The following ESYT2 variants were observed in gnomAD, a reference collection of about 807,000 sequenced individuals.
ESYT2 encodes extended synaptotagmin-2.
In ESYT2, 54 loss-of-function variants were observed where a neutral mutation model predicts 107.2. The ratio of observed to expected loss-of-function variants is 0.50; its 90% confidence interval spans 0.40 to 0.63. The LOEUF (loss-of-function observed/expected upper bound fraction) is 0.63. Among genes scored for constraint, ESYT2 ranks in the 30% least tolerant of loss-of-function variants. The probability of loss-of-function intolerance (pLI) is 0.00; values close to 1 mark genes in which losing one functional copy is unlikely to be tolerated. For missense variants in ESYT2, 1,020 were observed against 1,094.5 expected, an observed-to-expected ratio of 0.93 and a Z score of 0.96; for synonymous variants, 491 against 434.1, an observed-to-expected ratio of 1.13 and a Z score of -1.63.
At chr7:158,766,986 C>G (rs779969668) in intron 8 of ESYT2, among the ~76,000 whole-genome samples, 1 of 152,196 alleles carries the variant, frequency 6.6e-6, no homozygotes, top group Non-Finnish European at 1.5e-5. Context: ...TTAGTTTGCT[C>G]AAATGAAGGT....
At chr7:158,817,236 C>T (rs918004106) in intron 1 of ESYT2, among the ~76,000 whole-genome samples, 40 of 152,210 alleles carry the variant, frequency 2.6e-4, no homozygotes, top group African/African-American at 7.7e-4. Flanking sequence ...ACTGACAGAA[C>T]TGACAGAAGA....
At chr7:158,740,080 T>C (rs1837138022) in intron 18 of ESYT2, among the ~76,000 whole-genome samples, 1 of 152,248 alleles carries the variant, frequency 6.6e-6, no homozygotes, top group Non-Finnish European at 1.5e-5. Flanking sequence ...GCTGACTCAG[T>C]GACCCCTGCT....
At chr7:158,818,327 T>C (rs1432784754) in intron 1 of ESYT2, among the ~76,000 whole-genome samples, 2 of 152,170 alleles carry the variant, frequency 1.3e-5, no homozygotes, top group East Asian at 3.9e-4. Context: ...GGAAGAGGAG[T>C]GCCACTGTAG....
At chr7:158,757,754 G>GTTTTTTTTTTT (rs67853250) in intron 13 of ESYT2, among the ~76,000 whole-genome samples, 1 of 76,420 alleles carries the variant, frequency 1.3e-5, no homozygotes, top group African/African-American at 3.3e-5. Context: ...GTCTCTCTGG[G>GTTTTTTTTTTT]TTTTTTTTTT....
At chr7:158,801,543 TCA>T (rs1468860133) in intron 1 of ESYT2, among the ~76,000 whole-genome samples, 1 of 152,054 alleles carries the variant, frequency 6.6e-6, no homozygotes, top group Non-Finnish European at 1.5e-5. Context: ...AGCAAAAACA[TCA>T]CAGAGAAAGA....
chr7:158,736,574 G>A (rs1311144705), intron 20 of ESYT2, among the ~76,000 whole-genome samples: 4 of 151,550 alleles, frequency 2.6e-5, no homozygotes, highest in Admixed American at 2.6e-4. Flanking sequence ...AAAGAGATGA[G>A]CAAAAATGCT....
At chr7:158,735,832 G>A (rs1002190436) in intron 20 of ESYT2, among the ~76,000 whole-genome samples, 2 of 152,122 alleles carry the variant, frequency 1.3e-5, no homozygotes, top group Non-Finnish European at 2.9e-5. Context: ...GCATCCCATA[G>A]ATGTCTGGGT....
At chr7:158,754,671 T>A (rs1374892193) in intron 13 of ESYT2, among the ~76,000 whole-genome samples, 2 of 152,220 alleles carry the variant, frequency 1.3e-5, no homozygotes, top group Non-Finnish European at 2.9e-5. Context: ...TACAGACTGA[T>A]GAATCTATAA....
intron 7 of ESYT2, among the ~76,000 whole-genome samples, chr7:158,769,084 TTC>T (rs58966008): frequency 0.14 from 20,938 of 152,128 alleles, 1,719 homozygotes; most frequent in African/African-American, 0.23. Flanking sequence ...TACAAATAAA[TTC>T]TGAGACCGTG....
At chr7:158,776,362 T>C (rs1070828) in intron 6 of ESYT2, among the ~76,000 whole-genome samples, 143,369 of 152,322 alleles carry the variant, frequency 0.94, 67,520 homozygotes, top group Middle Eastern at 0.96. Flanking sequence ...AAGTTCCAGA[T>C]GGCATCTTCT....
chr7:158,794,993 A>G (rs547445777), intron 3 of ESYT2, among the ~76,000 whole-genome samples: 1 of 152,266 alleles, frequency 6.6e-6, no homozygotes, highest in East Asian at 1.9e-4. Context: ...TCAACACACT[A>G]TTCTAATAAG....
In ESYT2 at chr7:158,773,374, C is replaced by T. The variant is rs1457937063; in HGVS notation, c.770G>A (p.Gly257Glu). Reference sequence around the variant, plus strand: ...AGGGACATCCAGAAGATTCGTCAGTCCTGTCCAGTTAATTTCTAAAAGCTG... The same window carrying T: ...AGGGACATCCAGAAGATTCGTCAGTTCTGTCCAGTTAATTTCTAAAAGCTG... The part of the protein sequence containing the change: ...RKPLLEINWT[G>E]LTNLLDVPGL... The change falls in exon 7 of 23, where the codon GGA (glycine) becomes GAA (glutamate). Residue 257 changes from glycine (G) to glutamate (E), a missense_variant. Gly to Glu is a moderately conservative substitution (Grantham distance 98). Coordinates refer to ENST00000275418, the MANE Select transcript of ESYT2 (RefSeq NM_001367773.1). 1.2e-6 allele frequency: 2 copies of T among 1,614,140 alleles called. No individual in the cohort carries two copies. Among genetic ancestry groups the T allele is most frequent in the Non-Finnish European group, 8.5e-7 (1 of 1,180,028 alleles).
chr7:158,747,224 T>C (rs1306687263), intron 16 of ESYT2, among the ~76,000 whole-genome samples: 3 of 149,942 alleles, frequency 2.0e-5, no homozygotes, highest in Non-Finnish European at 4.4e-5. Flanking sequence ...GGCGCGCACC[T>C]GTAATCCCAG....
At chr7:158,757,825 A>C (rs1008285285) in intron 13 of ESYT2, among the ~76,000 whole-genome samples, 6 of 151,940 alleles carry the variant, frequency 3.9e-5, no homozygotes, top group African/African-American at 1.5e-4. Flanking sequence ...ATGTGACAAC[A>C]CACACAGTTC....
rs1266167163 is a variant in ESYT2 at position 158,752,855 on chromosome 7, G to A, written c.1420-12C>T. On this transcript the variant is annotated splice_polypyrimidine_tract_variant and intron_variant, in intron 13 of 22. Transcript: ENST00000275418. ...TCTAATGGGTTACTCTTTCAAGTCA[G>A]AAGAAAACGAATATGCCAAGGGTTA... 1.5e-6 allele frequency: 2 copies of A among 1,300,294 alleles called. No homozygotes were observed. Among genetic ancestry groups the A allele is most frequent in the Non-Finnish European group, 2.0e-6 (2 of 985,944 alleles). 80.5% of individuals were successfully genotyped at this position (1,300,294 alleles called of 1,614,324 possible).
chr7:158,759,487 G>A lies in ESYT2; in HGVS notation c.1418C>T (p.Pro473Leu), dbSNP rs760547327. 2.0e-5 allele frequency: 32 copies of A among 1,608,466 alleles called. No individual in the cohort carries two copies. Among genetic ancestry groups the A allele is most frequent in the Admixed American group, 1.0e-4 (6 of 59,714 alleles). ...AGGTGTTACCACTGTGTTACCTACC[G>A]GAAGGTTCCTTGCTGAATCCAAGTA... is the stretch of plus-strand genomic sequence containing the variant. ...ILYLDSARNL[P>L]SNPLEFNPDV... Residue 473 changes from proline to leucine, a missense_variant and splice_region_variant, in exon 13 of 23, where the codon CCG (proline) becomes CTG (leucine). By Grantham distance (98) the Pro-to-Leu change is moderately conservative. Coordinates refer to ENST00000275418, the MANE Select transcript of ESYT2 (RefSeq NM_001367773.1).
intron 1 of ESYT2, among the ~76,000 whole-genome samples, chr7:158,810,804 G>GAC (rs1398868698): frequency 6.6e-6 from 1 of 152,146 alleles, no homozygotes; most frequent in African/African-American, 2.4e-5. Flanking sequence ...GGGTAGGCGT[G>GAC]ACAGGGAGAG....
intron 1 of ESYT2, among the ~76,000 whole-genome samples, chr7:158,827,085 C>A (rs1225780708): frequency 2.0e-5 from 3 of 151,216 alleles, no homozygotes; most frequent in South Asian, 2.1e-4. Flanking sequence ...ATCTTTTGAA[C>A]CCTGGAGGCG....
At chr7:158,742,113 C>A (rs1345528721) in intron 17 of ESYT2, among the ~76,000 whole-genome samples, 1 of 152,198 alleles carries the variant, frequency 6.6e-6, no homozygotes. Context: ...GCTGCACAGG[C>A]CAGAGTGCTG....
Sources: allele counts gnomAD v4.1 joint callset (sites outside exome capture counted in the v4.1 genomes callset), GRCh38; gene constraint gnomAD v4.1.1; transcripts MANE v1.5; gene names NCBI Gene and HGNC (gene_info 2026-07-23, HGNC 2026-07-21).